The following SBF1 variants were observed in gnomAD, a reference collection of about 807,000 sequenced individuals.
The protein encoded by SBF1 is SET binding factor 1.
A neutral mutation model predicts 215.8 loss-of-function variants in SBF1; 65 were observed. That is an observed-to-expected ratio of 0.30 (90% CI 0.25 to 0.37). The LOEUF is 0.37. Ranked by LOEUF, SBF1 falls within the 10% of genes least tolerant of loss-of-function variation. The pLI is 1.00. For synonymous variants in SBF1, 1,410 were observed against 1,122.8 expected, an observed-to-expected ratio of 1.26 and a Z score of -5.11; for missense variants, 2,634 against 2,667.8, an observed-to-expected ratio of 0.99 and a Z score of 0.28.
At chr22:50,456,471 C>G (rs752876087) in intron 30 of SBF1, 21 bp downstream of exon 30, 6 of 1,503,882 alleles carry the variant, frequency 4.0e-6, no homozygotes, top group Non-Finnish European at 5.4e-6. Context: ...CCTCACCCCC[C>G]ACCCCCCGCA....
intron 28 of SBF1, among the ~76,000 whole-genome samples, chr22:50,458,847 G>GGGAGGGT (rs1329090199): frequency 6.6e-6 from 1 of 152,234 alleles, no homozygotes; most frequent in East Asian, 1.9e-4. Context: ...GGGGGATGCA[G>GGGAGGGT]GGAGGGTGGA....
intron 38 of SBF1, among the ~76,000 whole-genome samples, chr22:50,447,941 G>C (rs1211539089): frequency 6.6e-6 from 1 of 152,234 alleles, no homozygotes; most frequent in Non-Finnish European, 1.5e-5. Context: ...GAGAGGGATG[G>C]CCAGGCAGGT....
In SBF1 at chr22:50,447,328, G is replaced by C; in HGVS notation, c.5577C>G (p.Phe1859Leu). ...AGCCCCGGCCAAGGCTCACGTCAAA[G>C]AAGGCCTTCTCGTCCACAGTCTTAG... is the stretch of plus-strand genomic sequence containing the variant. Reference protein sequence around the residue: ...GAPKTVDEKAFFDVKTTRRVY... With the variant: ...GAPKTVDEKALFDVKTTRRVY... Residue 1859 changes from phenylalanine to leucine, a missense_variant, in exon 40 of 41, where the codon TTC becomes TTG. Transcript: ENST00000380817. 1 of 1,614,016 alleles carries C rather than the reference G, an allele frequency of 6.2e-7. No homozygotes were observed. Among genetic ancestry groups the C allele is most frequent in the Non-Finnish European group, 8.5e-7 (1 of 1,179,938 alleles).
intron 35 of SBF1, 31 bp from the exon 36 acceptor site, chr22:50,454,773 G>T: frequency 6.2e-7 from 1 of 1,601,506 alleles, no homozygotes; most frequent in Non-Finnish European, 8.5e-7. Flanking sequence ...GAGGACCTGG[G>T]TCGGGCAGGA....
chr22:50,452,140 TAAAAAAAAAA>T (rs374473892), intron 36 of SBF1, among the ~76,000 whole-genome samples: 1 of 113,222 alleles, frequency 8.8e-6, no homozygotes, highest in Non-Finnish European at 1.9e-5. Context: ...ACTGCTGAAT[TAAAAAAAAAA>T]AAAAAAAAAA....
At chr22:50,472,921 T>A (rs1308347231) in intron 1 of SBF1, among the ~76,000 whole-genome samples, 2 of 152,140 alleles carry the variant, frequency 1.3e-5, no homozygotes, top group Non-Finnish European at 2.9e-5. Context: ...TCCACGGTCC[T>A]CCAACCCTAC....
chr22:50,456,780 G>T, intron 29 of SBF1, 107 bp from the exon 30 acceptor site: 2 of 1,028,516 alleles, frequency 1.9e-6, no homozygotes, highest in South Asian at 1.7e-5. Context: ...CAGGGCAGGG[G>T]TGGTTGGCAG....
chr22:50,463,037 C>A, intron 16 of SBF1, 99 bp from the exon 17 acceptor site: 2 of 1,300,064 alleles, frequency 1.5e-6, no homozygotes, highest in Non-Finnish European at 1.1e-6. Context: ...CAGACCAGCA[C>A]CTGACACCCT....
intron 15 of SBF1, 28 bp downstream of exon 15, chr22:50,464,301 G>T: frequency 6.3e-7 from 1 of 1,576,204 alleles, no homozygotes; most frequent in Non-Finnish European, 8.7e-7. Context: ...CGCTGCCCTG[G>T]CCCGGCTGGA....
intron 9 of SBF1, 23 bp downstream of exon 9, chr22:50,465,938 C>T: frequency 3.7e-6 from 6 of 1,612,112 alleles, no homozygotes; most frequent in Non-Finnish European, 5.1e-6. Flanking sequence ...CCAAGGCTCC[C>T]GCTTGCCCAT....
intron 28 of SBF1, among the ~76,000 whole-genome samples, chr22:50,458,294 G>C (rs1473859831): frequency 4.1e-5 from 5 of 121,908 alleles, no homozygotes; most frequent in African/African-American, 1.5e-4. Flanking sequence ...GACAGAGAAA[G>C]ACTCCGACTC....
intron 16 of SBF1, 21 bp from the exon 17 acceptor site, chr22:50,462,959 C>G: frequency 6.2e-7 from 1 of 1,603,422 alleles, no homozygotes; most frequent in Non-Finnish European, 8.5e-7. Flanking sequence ...AGCGAGAGAC[C>G]GTCAGGACCT....
chr22:50,447,711 G>T, intron 38 of SBF1, 102 bp from the exon 39 acceptor site: 1 of 825,492 alleles, frequency 1.2e-6, no homozygotes. Context: ...CAGGAGGTAA[G>T]ACCAGGCACC....
rs753962831 is a variant in SBF1, at chr22:50,462,758, G to A, written c.1969-41C>T. 44 of 1,609,472 alleles carry A rather than the reference G, an allele frequency of 2.7e-5. No individual in the cohort carries two copies. In the East Asian group the frequency reaches 8.9e-4, roughly 33 times the overall value. On this transcript the variant is annotated intron_variant, in intron 17 of 40. Coordinates refer to ENST00000380817, the MANE Select transcript of SBF1 (RefSeq NM_002972.4). ...GAGAAGGTCAGCTGGATGCAGCCAGGAAGGGCGGCTGGGAAGGAGACCTCG... is the reference window on the plus strand; with the variant it reads ...GAGAAGGTCAGCTGGATGCAGCCAGAAAGGGCGGCTGGGAAGGAGACCTCG...
In SBF1 at chr22:50,466,333, G is replaced by A. The variant is rs758153014; in HGVS notation, c.788+17C>T. ...AGGGGCCAGGAGAAGGGGCTGGGAG[G>A]GCCGGGCAGGGGTCACCTGTATCTG... On this transcript the variant is annotated intron_variant, in intron 7 of 40. Transcript: ENST00000380817. The A allele has an allele frequency of 1.5e-4, 232 of 1,589,246 alleles. No homozygotes were observed. The highest frequency in any genetic ancestry group is 2.7e-4 in the Admixed American group (15 of 55,622).
chr22:50,461,734 A>G lies in SBF1; in HGVS notation c.2644-16T>C. 4.3e-6 allele frequency: 7 copies of G among 1,609,544 alleles called. No homozygotes were observed. The highest frequency in any genetic ancestry group is 5.9e-6 in the Non-Finnish European group (7 of 1,177,942). ...GCAGCTTGGGCTGCTCGAAAACAAGAGCAGGAGCTCAGGATGCAGCCCGGG... is the reference window on the plus strand; with the variant it reads ...GCAGCTTGGGCTGCTCGAAAACAAGGGCAGGAGCTCAGGATGCAGCCCGGG... On this transcript the variant is annotated splice_polypyrimidine_tract_variant and intron_variant, in intron 21 of 40. Transcript: ENST00000380817.
chr22:50,464,323 C>G lies in SBF1; in HGVS notation c.1749+6G>C. On this transcript the variant is annotated splice_donor_region_variant and intron_variant, in intron 15 of 40. Coordinates refer to ENST00000380817, the MANE Select transcript of SBF1 (RefSeq NM_002972.4). Reference sequence around the variant, plus strand: ...CTGGCCCGGCTGGAGCCTGCACAGCCCTCACCTTCTTGGCCTCAAGCATTT... The same window carrying G: ...CTGGCCCGGCTGGAGCCTGCACAGCGCTCACCTTCTTGGCCTCAAGCATTT... 3.9e-4 allele frequency: 617 copies of G among 1,573,038 alleles called. No individual in the cohort carries two copies. Among genetic ancestry groups the G allele is most frequent in the Non-Finnish European group, 4.9e-4 (564 of 1,143,404 alleles).
At position 50,461,870 on chromosome 22, in the gene SBF1, C is replaced by T. The variant is rs2067529545; in HGVS notation, c.2570-1G>A. 6.2e-7 allele frequency: 1 copy of T among 1,613,896 alleles called. No individual in the cohort carries two copies. The highest frequency in any genetic ancestry group is 1.3e-5 in the African/African-American group (1 of 74,938). ...GTCTCGATGTGCATCTGGACAATGT[C>T]TGGGGGAAGACAGTTCTCACACTTT... On this transcript the variant is annotated splice_acceptor_variant, in intron 20 of 40. Coordinates refer to ENST00000380817, the MANE Select transcript of SBF1 (RefSeq NM_002972.4). LOFTEE classifies it high-confidence loss of function.
intron 5 of SBF1, chr22:50,467,034 T>C: frequency 1.7e-6 from 1 of 575,570 alleles, no homozygotes; most frequent in Admixed American, 3.2e-5. Flanking sequence ...AAGACACGGT[T>C]AGACACTCCA....
Sources: gnomAD v4.1 joint callset for allele counts (sites outside exome capture counted in the v4.1 genomes callset) on GRCh38, gnomAD v4.1.1 for gene constraint, MANE v1.5 for transcripts, NCBI Gene and HGNC (gene_info 2026-07-23, HGNC 2026-07-21) for gene names.